The following FAT4 variants were observed in gnomAD, a reference collection of about 807,000 sequenced individuals.
FAT4 encodes the protein FAT atypical cadherin 4, also known as protocadherin Fat 4.
Under a neutral mutation model 303.9 loss-of-function variants are expected in FAT4, and 84 were observed. That is an observed-to-expected ratio of 0.28 (90% CI 0.23 to 0.33). The LOEUF is 0.33. Among genes scored for constraint, FAT4 ranks in the 10% least tolerant of loss-of-function variants. FAT4 has a pLI of 1.00. For synonymous variants in FAT4, 2,307 were observed against 2,298.8 expected (o/e 1.00, Z -0.10); for missense variants, 6,005 against 6,146.8 (o/e 0.98, Z 0.77).
intron 10 of FAT4, among the ~76,000 whole-genome samples, chr4:125,460,591 C>T (rs1413893376): frequency 2.0e-5 from 3 of 152,086 alleles, no homozygotes; most frequent in Admixed American, 2.0e-4. Flanking sequence ...CAGCTCCATC[C>T]ATGTTCCCAC....
intron 7 of FAT4, 105 bp from the exon 8 acceptor site, chr4:125,434,140 G>C (rs1725367595): frequency 2.0e-6 from 2 of 1,016,546 alleles, no homozygotes. Flanking sequence ...ATTTTACTTT[G>C]ATGTTTCCTA....
intron 2 of FAT4, among the ~76,000 whole-genome samples, chr4:125,349,576 GAT>G (rs1443491246): frequency 6.6e-6 from 1 of 151,676 alleles, no homozygotes; most frequent in Admixed American, 6.6e-5. Context: ...TACCTAGAGA[GAT>G]TTATGGTGAC....
chr4:125,428,265 T>C (rs1164274580), intron 7 of FAT4, among the ~76,000 whole-genome samples: 1 of 152,156 alleles, frequency 6.6e-6, no homozygotes, highest in Non-Finnish European at 1.5e-5. Context: ...ACCGCTGCTC[T>C]TCAGCCTGGG....
In FAT4 at chr4:125,450,344, A is replaced by G. The variant is rs1726009279; in HGVS notation, c.9334A>G (p.Thr3112Ala). ...ESHSIGSIVR[T>A]VSARDRDAAM... ...CCATAGCATTGGGTCCATTGTCAGAACTGTTTCTGCAAGAGATAGAGATGC... is the reference window on the plus strand; with the variant it reads ...CCATAGCATTGGGTCCATTGTCAGAGCTGTTTCTGCAAGAGATAGAGATGC... The change falls in exon 10 of 18, where the codon ACT (threonine) becomes GCT (alanine). Residue 3112 changes from threonine (T) to alanine (A), a missense_variant. Thr to Ala is a moderately conservative substitution (Grantham distance 58). Transcript: ENST00000394329. 1 of 1,614,126 alleles carries G rather than the reference A, an allele frequency of 6.2e-7. No individual in the cohort carries two copies. The highest frequency in any genetic ancestry group is 8.5e-7 in the Non-Finnish European group (1 of 1,179,990).
intron 10 of FAT4, among the ~76,000 whole-genome samples, chr4:125,461,673 AG>A (rs1318104871): frequency 6.6e-6 from 1 of 152,064 alleles, no homozygotes; most frequent in Non-Finnish European, 1.5e-5. Context: ...CTAGTCAAAA[AG>A]CACAAGTGAA....
At chr4:125,413,730 G>T (rs2126025760) in intron 5 of FAT4, among the ~76,000 whole-genome samples, 1 of 152,048 alleles carries the variant, frequency 6.6e-6, no homozygotes, top group Non-Finnish European at 1.5e-5. Flanking sequence ...CTGAAGTATT[G>T]ATAGAATAAT....
At chr4:125,372,892 T>C (rs750360987) in intron 2 of FAT4, among the ~76,000 whole-genome samples, 4 of 152,206 alleles carry the variant, frequency 2.6e-5, no homozygotes, top group Admixed American at 6.5e-5. Flanking sequence ...CCCATGTTTT[T>C]AATTTAGAAT....
At chr4:125,373,236 T>C (rs1325094341) in intron 2 of FAT4, among the ~76,000 whole-genome samples, 3 of 152,146 alleles carry the variant, frequency 2.0e-5, no homozygotes, top group African/African-American at 7.2e-5. Flanking sequence ...CAAGTAATAA[T>C]AATTCAGTGA....
intron 12 of FAT4, among the ~76,000 whole-genome samples, chr4:125,472,255 C>G (rs1300788992): frequency 6.6e-6 from 1 of 152,036 alleles, no homozygotes; most frequent in Non-Finnish European, 1.5e-5. Context: ...GTATTTCTGA[C>G]TTCATGGCAA....
chr4:125,403,235 A>G (rs1318188339), intron 3 of FAT4, among the ~76,000 whole-genome samples: 1 of 152,120 alleles, frequency 6.6e-6, no homozygotes, highest in Non-Finnish European at 1.5e-5. Flanking sequence ...TAATATTATC[A>G]TCCCAGTGTA....
chr4:125,432,583 C>G (rs546178954), intron 7 of FAT4, among the ~76,000 whole-genome samples: 2 of 152,000 alleles, frequency 1.3e-5, no homozygotes, highest in South Asian at 4.2e-4. Context: ...TTTACCATTG[C>G]TTACAGTAAG....
At chr4:125,475,047 C>T (rs906799127) in intron 12 of FAT4, among the ~76,000 whole-genome samples, 3 of 152,082 alleles carry the variant, frequency 2.0e-5, no homozygotes, top group Admixed American at 6.5e-5. Flanking sequence ...CTGTCTGTGG[C>T]ATTCGTAAAT....
chr4:125,469,923 A>T (rs575619738), intron 12 of FAT4, among the ~76,000 whole-genome samples: 17 of 152,254 alleles, frequency 1.1e-4, no homozygotes, highest in African/African-American at 3.9e-4. Context: ...CTTTGCCCAG[A>T]CCTATCAGAG....
At chr4:125,434,174 AC>A in intron 7 of FAT4, 70 bp from the exon 8 acceptor site, 1 of 1,422,124 alleles carries the variant, frequency 7.0e-7, no homozygotes, top group Non-Finnish European at 9.7e-7. Flanking sequence ...AATTCTGTCT[AC>A]AGCTAATTTT....
At position 125,415,358 on chromosome 4, in the gene FAT4, C is replaced by A; in HGVS notation, c.6395C>A (p.Pro2132Gln). 5.6e-6 allele frequency: 9 copies of A among 1,613,998 alleles called. No homozygotes were observed. Among genetic ancestry groups the A allele is most frequent in the Non-Finnish European group, 7.6e-6 (9 of 1,179,956 alleles). The stretch of plus-strand genomic sequence containing the variant: ...GTGGTGGCTACAGACAAAGGTCAAC[C>A]ATCTCTCTCTTCATCTACAGAGGTT... ...LTVVATDKGQPSLSSSTEVVV... is the reference protein window; with the variant it reads ...LTVVATDKGQQSLSSSTEVVV... The change falls in exon 6 of 18, where the codon CCA (proline) becomes CAA (glutamine). Residue 2132 changes from proline to glutamine, a missense_variant. Pro to Gln is a moderately conservative substitution (Grantham distance 76). Coordinates refer to ENST00000394329, the MANE Select transcript of FAT4 (RefSeq NM_001291303.3).
intron 12 of FAT4, among the ~76,000 whole-genome samples, chr4:125,469,970 G>C (rs543356439): frequency 2.6e-5 from 4 of 152,240 alleles, no homozygotes; most frequent in African/African-American, 9.6e-5. Context: ...CTTATGAAAT[G>C]TATTTTTTAA....
At position 125,447,880 on chromosome 4, in the gene FAT4, C is replaced by A. The variant is rs183777895; in HGVS notation, c.7451-581C>A. ...ATGTATATATCTGTGTATGTATATA[C>A]ACACACATATAAACATACACATATG... is the stretch of plus-strand genomic sequence containing the variant. On this transcript the variant is annotated intron_variant, in intron 9 of 17. Coordinates refer to ENST00000394329, the MANE Select transcript of FAT4 (RefSeq NM_001291303.3). 2.0e-5 allele frequency among the ~76,000 whole-genome samples: 3 copies of A among 152,110 alleles called. No homozygotes were observed. In the East Asian group the frequency reaches 5.8e-4, roughly 29 times the overall value.
At chr4:125,443,066 A>C (rs1471040734) in intron 8 of FAT4, among the ~76,000 whole-genome samples, 1 of 152,142 alleles carries the variant, frequency 6.6e-6, no homozygotes, top group African/African-American at 2.4e-5. Context: ...CAAGTGAACT[A>C]TGTTCTAAAG....
intron 3 of FAT4, among the ~76,000 whole-genome samples, chr4:125,400,491 G>A (rs1734344149): frequency 6.6e-6 from 1 of 151,806 alleles, no homozygotes; most frequent in Non-Finnish European, 1.5e-5. Context: ...TAGTATAAAT[G>A]CAATGCTGCC....
Sources: allele counts gnomAD v4.1 joint callset (sites outside exome capture counted in the v4.1 genomes callset), GRCh38; gene constraint gnomAD v4.1.1; transcripts MANE v1.5; gene names NCBI Gene and HGNC (gene_info 2026-07-23, HGNC 2026-07-21).